PCDHGB3: variants seen among roughly 807,000 people sequenced by gnomAD.
PCDHGB3 encodes protocadherin gamma-B3.
A neutral mutation model predicts 59.2 loss-of-function variants in PCDHGB3; 40 were observed. The ratio of observed to expected loss-of-function variants is 0.68; its 90% CI spans 0.52 to 0.88. The LOEUF (loss-of-function observed/expected upper bound fraction) is 0.88, where lower values mean the gene tolerates loss of function less well. Among genes scored for constraint, PCDHGB3 ranks in the 40% least tolerant of loss-of-function variants. The pLI is 0.00. For missense variants in PCDHGB3, 1,309 were observed against 1,187.9 expected (o/e 1.10, Z -1.50); for synonymous variants, 581 against 503.6 (o/e 1.15, Z -2.06).
At chr5:141,469,312 C>T (rs1387258560) in intron 1 of PCDHGB3, among the ~76,000 whole-genome samples, 2 of 152,064 alleles carry the variant, frequency 1.3e-5, no homozygotes, top group Non-Finnish European at 2.9e-5. Flanking sequence ...CACGATGGCT[C>T]ACGCCTGTAA....
chr5:141,384,580 G>T, intron 1 of PCDHGB3: 1 of 1,614,196 alleles, frequency 6.2e-7, no homozygotes, highest in Non-Finnish European at 8.5e-7. Flanking sequence ...CAACCCGCCC[G>T]AGATCCTGTA....
intron 1 of PCDHGB3, chr5:141,423,311 T>G: frequency 2.5e-6 from 4 of 1,614,134 alleles, no homozygotes; most frequent in Non-Finnish European, 3.4e-6. Flanking sequence ...CTGTACTTGG[T>G]GGTGGCGGTG....
intron 1 of PCDHGB3, among the ~76,000 whole-genome samples, chr5:141,443,727 A>T: frequency 6.6e-6 from 1 of 152,220 alleles, no homozygotes; most frequent in Non-Finnish European, 1.5e-5. Context: ...AATTCCTCAT[A>T]CATTTCCCTA....
intron 1 of PCDHGB3, chr5:141,441,038 G>T (rs1263659082): frequency 1.3e-5 from 2 of 152,156 alleles, no homozygotes; most frequent in Non-Finnish European, 2.9e-5. Flanking sequence ...AAAACTTTAA[G>T]TACATTGGAC....
At chr5:141,458,509 CTTTG>C (rs1327998402) in intron 1 of PCDHGB3, among the ~76,000 whole-genome samples, 2 of 149,986 alleles carry the variant, frequency 1.3e-5, no homozygotes. Context: ...CTGTTTGACA[CTTTG>C]TTTTTTTTTT....
intron 1 of PCDHGB3, among the ~76,000 whole-genome samples, chr5:141,473,343 T>C (rs1309426537): frequency 6.6e-6 from 1 of 152,218 alleles, no homozygotes; most frequent in Non-Finnish European, 1.5e-5. Flanking sequence ...TGCTAGACAG[T>C]GAGGATGCAA....
chr5:141,383,505 G>C (rs1461557707), intron 1 of PCDHGB3: 10 of 1,612,818 alleles, frequency 6.2e-6, no homozygotes, highest in Admixed American at 1.7e-5. Context: ...TGCTGGACCG[G>C]GAGGAAGAGC....
chr5:141,483,013 A>C (rs2154579792), intron 1 of PCDHGB3, among the ~76,000 whole-genome samples: 1 of 152,106 alleles, frequency 6.6e-6, no homozygotes, highest in Middle Eastern at 3.4e-3. Flanking sequence ...TGAACCCGGG[A>C]GGCAGAGGTT....
At chr5:141,461,892 C>T (rs976827774) in intron 1 of PCDHGB3, among the ~76,000 whole-genome samples, 2 of 152,030 alleles carry the variant, frequency 1.3e-5, no homozygotes, top group Non-Finnish European at 2.9e-5. Context: ...GGCACGATCT[C>T]GGCTCACTGC....
Position 141,372,574 on chromosome 5 carries a change from T to C in PCDHGB3, c.2180T>C (p.Phe727Ser). The stretch of plus-strand genomic sequence containing the variant: ...TCCAGACCCGCCACTGAGGGCTACT[T>C]TCAGCCTGGTGTCTGCTTCAAGACT... ...CSSRPATEGY[F>S]QPGVCFKTVP... is the part of the protein sequence containing the mutation. The change falls in exon 1 of 4, where the codon TTT becomes TCT. Residue 727 changes from phenylalanine to serine, a missense_variant. Transcript: ENST00000576222. 2 of 1,614,012 alleles carry C rather than the reference T, an allele frequency of 1.2e-6. No individual in the cohort carries two copies. Among genetic ancestry groups the C allele is most frequent in the South Asian group, 1.1e-5 (1 of 91,080 alleles).
At chr5:141,442,472 C>A (rs1032989256) in intron 1 of PCDHGB3, 4 of 152,204 alleles carry the variant, frequency 2.6e-5, no homozygotes, top group African/African-American at 9.7e-5. Flanking sequence ...GCAGAAAGCC[C>A]CTTGGGGAAG....
chr5:141,494,878 T>A lies in PCDHGB3; in HGVS notation c.2474+13T>A. Reference sequence around the variant, plus strand: ...CCGGCACCAGCGGGTAGGTGACTGATTCTCCAGCCCACCCTCTTCTCTGCG... The same window carrying A: ...CCGGCACCAGCGGGTAGGTGACTGAATCTCCAGCCCACCCTCTTCTCTGCG... On this transcript the variant is annotated intron_variant, in intron 2 of 3. Coordinates refer to ENST00000576222, the MANE Select transcript of PCDHGB3 (RefSeq NM_018924.5). The A allele has an allele frequency of 6.2e-7, 1 of 1,614,072 alleles. No homozygotes were observed. The highest frequency in any genetic ancestry group is 8.5e-7 in the Non-Finnish European group (1 of 1,179,986).
chr5:141,418,284 T>A (rs766608852), intron 1 of PCDHGB3: 19 of 1,613,826 alleles, frequency 1.2e-5, no homozygotes, highest in Non-Finnish European at 1.4e-5. Flanking sequence ...AACTTAGAAA[T>A]CAGTGAATCC....
At chr5:141,372,941 G>T in intron 1 of PCDHGB3, 132 bp downstream of exon 1, 1 of 810,408 alleles carries the variant, frequency 1.2e-6, no homozygotes, top group Non-Finnish European at 1.9e-6. Context: ...AGAGTAGGGT[G>T]TCTAGGAAAT....
chr5:141,423,131 A>C (rs370773437), intron 1 of PCDHGB3: 1 of 1,613,538 alleles, frequency 6.2e-7, no homozygotes. Flanking sequence ...GCACTGCTGG[A>C]CAGAGACGCG....
Position 141,447,434 on chromosome 5 carries a change from G to A in PCDHGB3, c.2416-47373G>A, listed in dbSNP as rs114249648. ...ATTACAGGCGTGAGCCACCGCACCC[G>A]GAGGAAATTTTTAACCTCAGTTTTT... On this transcript the variant is annotated intron_variant, in intron 1 of 3. Transcript: ENST00000576222. 2.8e-3 allele frequency among the ~76,000 whole-genome samples: 425 copies of A among 152,164 alleles called. 1 individual carries two copies. The highest frequency in any genetic ancestry group is 9.5e-3 in the African/African-American group (394 of 41,546).
At position 141,486,108 on chromosome 5, in the gene PCDHGB3, G is replaced by A. The variant is rs1184123075; in HGVS notation, c.2416-8699G>A. ...CTTTTGGGGCCCCTAGACTTTGAGA[G>A]TGAGAATTACTATGAATTTGATGTG... On this transcript the variant is annotated intron_variant, in intron 1 of 3. Coordinates refer to ENST00000576222, the MANE Select transcript of PCDHGB3 (RefSeq NM_018924.5). The surrounding 1 kb of genome is among the most constrained non-coding windows in gnomAD (Gnocchi z 5.0). 6 of 1,614,206 alleles carry A rather than the reference G, an allele frequency of 3.7e-6. No individual in the cohort carries two copies. Among genetic ancestry groups the A allele is most frequent in the South Asian group, 3.3e-5 (3 of 91,084 alleles).
chr5:141,418,396 A>G lies in PCDHGB3; in HGVS notation c.2415+45587A>G, dbSNP rs139206858. 4.9e-3 allele frequency: 7,975 copies of G among 1,613,844 alleles called. 44 individuals are homozygous for G. The highest frequency in any genetic ancestry group is 9.4e-3 in the Admixed American group (567 of 60,030). On this transcript the variant is annotated intron_variant, in intron 1 of 3. Coordinates refer to ENST00000576222, the MANE Select transcript of PCDHGB3 (RefSeq NM_018924.5). Reference sequence around the variant, plus strand: ...AACTAAGTCCTAACGAGTATTTCTCATTGGTGGAGAAAGACAATCCTGATG... The same window carrying G: ...AACTAAGTCCTAACGAGTATTTCTCGTTGGTGGAGAAAGACAATCCTGATG...
rs544291535 is a variant in PCDHGB3 at position 141,433,938 on chromosome 5, C to T, written c.2416-60869C>T. 4.6e-5 allele frequency among the ~76,000 whole-genome samples: 7 copies of T among 151,784 alleles called. No homozygotes were observed. The South Asian group carries it at 1.3e-3, about 27-fold the overall frequency. On this transcript the variant is annotated intron_variant, in intron 1 of 3. Coordinates refer to ENST00000576222, the MANE Select transcript of PCDHGB3 (RefSeq NM_018924.5). ...CCTCCAAATGAAGATTTTATAATTCCATTGTTTCTTCTACAGTTGTTAATT... is the reference window on the plus strand; with the variant it reads ...CCTCCAAATGAAGATTTTATAATTCTATTGTTTCTTCTACAGTTGTTAATT...
Sources: gnomAD v4.1 joint callset for allele counts (sites outside exome capture counted in the v4.1 genomes callset) on GRCh38, gnomAD v4.1.1 for gene constraint, Gnocchi (gnomAD v3.1) non-coding constraint, MANE v1.5 for transcripts, NCBI Gene and HGNC (gene_info 2026-07-23, HGNC 2026-07-21) for gene names.